IL7: variants seen among roughly 807,000 people sequenced by gnomAD.
The protein encoded by IL7 is interleukin 7, also known as interleukin-7.
A neutral mutation model predicts 21.6 loss-of-function variants in IL7; 3 were observed. The observed-to-expected ratio is 0.14, with a 90% CI of 0.06 to 0.36. The LOEUF is 0.36. IL7 is among the 10% of genes least tolerant of loss of function. The pLI, the probability that IL7 is intolerant of heterozygous loss-of-function variation, is 1.00. For missense variants in IL7, 175 were observed against 200.2 expected, an observed-to-expected ratio of 0.87 and a Z score of 0.76; for synonymous variants, 62 against 68.1, an observed-to-expected ratio of 0.91 and a Z score of 0.44.
intron 2 of IL7, among the ~76,000 whole-genome samples, chr8:78,789,884 A>T (rs1813628365): frequency 6.6e-6 from 1 of 152,186 alleles, no homozygotes; most frequent in Admixed American, 6.5e-5. Context: ...GAGAATACAG[A>T]AGCAGGAACA....
chr8:78,773,199 C>T (rs1813017195), intron 2 of IL7, among the ~76,000 whole-genome samples: 1 of 152,026 alleles, frequency 6.6e-6, no homozygotes, highest in South Asian at 2.1e-4. Context: ...CATTCACACA[C>T]ACCTACACTC....
intron 3 of IL7, among the ~76,000 whole-genome samples, chr8:78,691,512 T>C (rs10112388): frequency 0.69 from 104,110 of 151,858 alleles, 36,528 homozygotes; most frequent in East Asian, 0.91. Flanking sequence ...TATTTCTTTT[T>C]TTAAAATCAA....
chr8:78,804,430 C>T (rs1814225561), intron 1 of IL7, among the ~76,000 whole-genome samples: 1 of 152,188 alleles, frequency 6.6e-6, no homozygotes, highest in African/African-American at 2.4e-5. Context: ...GAGACCTGTT[C>T]CCCTAGGGTT....
chr8:78,784,600 A>G (rs1813450025), intron 2 of IL7, among the ~76,000 whole-genome samples: 1 of 152,134 alleles, frequency 6.6e-6, no homozygotes, highest in African/African-American at 2.4e-5. Context: ...CAGTCAGTCA[A>G]TAAATATTTA....
chr8:78,774,494 A>G (rs562639897), intron 2 of IL7, among the ~76,000 whole-genome samples: 34 of 152,252 alleles, frequency 2.2e-4, no homozygotes, highest in Non-Finnish European at 7.4e-5. Flanking sequence ...GTTAATTAAT[A>G]AAAGCTCTGC....
downstream of IL7, among the ~76,000 whole-genome samples, chr8:78,731,485 C>T (rs911380709): frequency 2.0e-5 from 3 of 151,702 alleles, no homozygotes; most frequent in African/African-American, 7.3e-5. Flanking sequence ...AATTGTGAAC[C>T]TCCAAGAGAA....
intron 2 of IL7, among the ~76,000 whole-genome samples, chr8:78,786,516 G>A (rs1302650720): frequency 6.6e-6 from 1 of 152,128 alleles, no homozygotes; most frequent in Admixed American, 6.5e-5. Flanking sequence ...TTATATGACT[G>A]GCAGTGCAAT....
chr8:78,715,580 TTAA>T (rs1357232885), downstream of IL7, among the ~76,000 whole-genome samples: 1 of 152,116 alleles, frequency 6.6e-6, no homozygotes, highest in African/African-American at 2.4e-5. Context: ...AATATCCACA[TTAA>T]TAAGAGTTTG....
At chr8:78,762,391 C>CTCT (rs1812597728) in intron 2 of IL7, 1 of 1,611,910 alleles carries the variant, frequency 6.2e-7, no homozygotes, top group Admixed American at 1.7e-5. Flanking sequence ...GGACTGCGTG[C>CTCT]TCTTCCGCGT....
At chr8:78,687,080 A>G (rs1810005511) in intron 3 of IL7, among the ~76,000 whole-genome samples, 2 of 152,096 alleles carry the variant, frequency 1.3e-5, no homozygotes, top group African/African-American at 4.8e-5. Context: ...GTATATTGTT[A>G]AATTTTTTCT....
chr8:78,799,028 T>G (rs1177081278), intron 1 of IL7, among the ~76,000 whole-genome samples: 2 of 152,112 alleles, frequency 1.3e-5, no homozygotes, highest in Non-Finnish European at 2.9e-5. Flanking sequence ...GGCAGAAAGA[T>G]GGAAAGCCAG....
chr8:78,698,606 C>A, intron 3 of IL7: 1 of 946,404 alleles, frequency 1.1e-6, no homozygotes, highest in African/African-American at 1.7e-5. Context: ...CATTCATCTT[C>A]ATTTCCTAAG....
chr8:78,703,487 G>C (rs1010715538), intron 3 of IL7, among the ~76,000 whole-genome samples: 4 of 149,390 alleles, frequency 2.7e-5, no homozygotes, highest in Non-Finnish European at 5.9e-5. Flanking sequence ...ATTTAGGATA[G>C]TTAACTTTTC....
At chr8:78,751,335 G>A (rs1382834980) in intron 2 of IL7, among the ~76,000 whole-genome samples, 1 of 152,130 alleles carries the variant, frequency 6.6e-6, no homozygotes, top group Non-Finnish European at 1.5e-5. Context: ...CAAAAAGAGA[G>A]AGGAATGAAA....
At chr8:78,712,233 A>T (rs1320550098) in intron 3 of IL7, 1 of 395,362 alleles carries the variant, frequency 2.5e-6, no homozygotes, top group African/African-American at 2.2e-5. Context: ...TCTAAGCCAA[A>T]ATGTGTCAAA....
At chr8:78,676,849 G>A (rs1809597548) in intron 4 of IL7, among the ~76,000 whole-genome samples, 1 of 151,710 alleles carries the variant, frequency 6.6e-6, no homozygotes, top group Admixed American at 6.6e-5. Flanking sequence ...TCTCATTTAT[G>A]TGGTATTTAA....
Position 78,767,164 on chromosome 8 carries a change from A to T in IL7, c.148-27082T>A, listed in dbSNP as rs990087691. 4.6e-5 allele frequency among the ~76,000 whole-genome samples: 7 copies of T among 151,928 alleles called. 1 individual carries two copies. In the East Asian group the frequency reaches 5.8e-4, roughly 13 times the overall value. The stretch of plus-strand genomic sequence containing the variant: ...TAATTTTATATAAGGGATTAAAAAA[A>T]TTTTTGATATTTTACTTTAGGTTTA... On this transcript the variant is annotated intron_variant, in intron 2 of 5. Coordinates refer to ENST00000263851, the MANE Select transcript of IL7 (RefSeq NM_000880.4).
chr8:78,795,951 T>A (rs1014851704), intron 2 of IL7, among the ~76,000 whole-genome samples: 3 of 151,934 alleles, frequency 2.0e-5, no homozygotes, highest in Non-Finnish European at 4.4e-5. Flanking sequence ...TCAGTATGAG[T>A]ATGTGGAAGA....
intron 2 of IL7, among the ~76,000 whole-genome samples, chr8:78,759,275 CA>C (rs1276779244): frequency 6.8e-6 from 1 of 147,388 alleles, no homozygotes; most frequent in Non-Finnish European, 1.5e-5. Context: ...ATAAACTATA[CA>C]AAATTGATTT....
Sources: gnomAD v4.1 joint callset for allele counts (sites outside exome capture counted in the v4.1 genomes callset) on GRCh38, gnomAD v4.1.1 for gene constraint, MANE v1.5 for transcripts, NCBI Gene and HGNC (gene_info 2026-07-23, HGNC 2026-07-21) for gene names.